CDC40: variants seen among roughly 807,000 people sequenced by gnomAD.
The protein encoded by CDC40 is pre-mRNA-processing factor 17.
A neutral mutation model predicts 80.6 loss-of-function variants in CDC40; 27 were observed. That is an observed-to-expected ratio of 0.33 (90% CI 0.25 to 0.46). CDC40 has a LOEUF of 0.46. Among genes scored for constraint, CDC40 ranks in the 20% least tolerant of loss-of-function variants. The pLI is 1.00. For synonymous variants in CDC40, 221 were observed against 232.6 expected (o/e 0.95, Z 0.45); for missense variants, 486 against 694.1 (o/e 0.70, Z 3.37).
chr6:110,229,839 T>G (rs1432739863), intron 14 of CDC40, 115 bp from the exon 15 acceptor site: 4 of 643,136 alleles, frequency 6.2e-6, no homozygotes, highest in Admixed American at 2.9e-5. Context: ...TATTGTATAT[T>G]TGCATTGGAT....
At chr6:110,204,956 G>A (rs934818589) in intron 3 of CDC40, among the ~76,000 whole-genome samples, 4 of 151,862 alleles carry the variant, frequency 2.6e-5, no homozygotes, top group South Asian at 2.1e-4. Context: ...CCTGAGCCAC[G>A]ATGCCCGGCC....
intron 1 of CDC40, among the ~76,000 whole-genome samples, chr6:110,182,740 T>C (rs1172269757): frequency 6.6e-6 from 1 of 152,254 alleles, no homozygotes; most frequent in Non-Finnish European, 1.5e-5. Flanking sequence ...TCATCAAATC[T>C]CTCTCTTCTG....
chr6:110,216,970 T>G (rs1016913590), intron 9 of CDC40, among the ~76,000 whole-genome samples: 1 of 152,056 alleles, frequency 6.6e-6, no homozygotes, highest in East Asian at 1.9e-4. Flanking sequence ...AGCCAGGCGT[T>G]GTGGTGTGCA....
At chr6:110,225,624 T>C (rs1260846873) in intron 12 of CDC40, among the ~76,000 whole-genome samples, 1 of 152,196 alleles carries the variant, frequency 6.6e-6, no homozygotes, top group Non-Finnish European at 1.5e-5. Context: ...TCCACCTGCA[T>C]TGCTGCAGGC....
chr6:110,182,530 C>T (rs1455104115), intron 1 of CDC40, among the ~76,000 whole-genome samples: 1 of 152,210 alleles, frequency 6.6e-6, no homozygotes, highest in Non-Finnish European at 1.5e-5. Flanking sequence ...TTTTCTCTTC[C>T]TTCTTCCTCA....
At chr6:110,204,287 C>T (rs1777533526) in intron 3 of CDC40, among the ~76,000 whole-genome samples, 1 of 152,188 alleles carries the variant, frequency 6.6e-6, no homozygotes, top group Non-Finnish European at 1.5e-5. Flanking sequence ...GCTGGGATTA[C>T]AGGCATGAGC....
At chr6:110,190,742 C>T (rs1777336122) in intron 1 of CDC40, among the ~76,000 whole-genome samples, 1 of 152,046 alleles carries the variant, frequency 6.6e-6, no homozygotes, top group Non-Finnish European at 1.5e-5. Flanking sequence ...AGGGGAGGGT[C>T]CTGGGAAGGG....
At chr6:110,203,451 CCTTT>C (rs983079634) in intron 3 of CDC40, among the ~76,000 whole-genome samples, 22 of 152,174 alleles carry the variant, frequency 1.4e-4, no homozygotes, top group African/African-American at 5.3e-4. Context: ...AGGAAGCAAA[CCTTT>C]CTTATACCTT....
intron 2 of CDC40, chr6:110,199,003 G>C (rs1047918100): frequency 1.3e-5 from 2 of 152,082 alleles, no homozygotes; most frequent in Non-Finnish European, 2.9e-5. Flanking sequence ...AGTAGCGTTC[G>C]CTGCCTTCCT....
chr6:110,200,794 T>C (rs1270666643), intron 2 of CDC40, among the ~76,000 whole-genome samples: 1 of 152,182 alleles, frequency 6.6e-6, no homozygotes, highest in East Asian at 1.9e-4. Context: ...AGGAGAATAC[T>C]TGTTTAACTT....
chr6:110,188,179 T>C (rs1229064376), intron 1 of CDC40, among the ~76,000 whole-genome samples: 1 of 152,218 alleles, frequency 6.6e-6, no homozygotes, highest in Non-Finnish European at 1.5e-5. Flanking sequence ...ATTTGGAATA[T>C]TTTAAATACC....
chr6:110,185,622 A>C (rs945238719), intron 1 of CDC40, among the ~76,000 whole-genome samples: 5 of 152,160 alleles, frequency 3.3e-5, no homozygotes, highest in African/African-American at 1.2e-4. Flanking sequence ...GCCACCCCTG[A>C]ACTGGAACAT....
In CDC40 at chr6:110,210,696, A is replaced by G; in HGVS notation, c.631-11A>G. On this transcript the variant is annotated splice_polypyrimidine_tract_variant and intron_variant, in intron 5 of 14. Coordinates refer to ENST00000307731, the MANE Select transcript of CDC40 (RefSeq NM_015891.3). ...ACATTCATTTTAAATTTCACTCCTTAATTTTCTTAGGAAGAGCAAAAAGAA... is the reference window on the plus strand; with the variant it reads ...ACATTCATTTTAAATTTCACTCCTTGATTTTCTTAGGAAGAGCAAAAAGAA... 1 of 1,490,282 alleles carries G rather than the reference A, an allele frequency of 6.7e-7. No individual in the cohort carries two copies. The highest frequency in any genetic ancestry group is 9.0e-7 in the Non-Finnish European group (1 of 1,113,038). The allele number at this position is 1,490,282 out of a possible 1,614,324, so 92.3% of individuals were successfully genotyped here. A position where few individuals can be genotyped will look rare whatever the true frequency, so the allele number is the denominator to read the frequency against.
chr6:110,228,758 A>T, intron 13 of CDC40, 74 bp from the exon 14 acceptor site: 2 of 1,145,134 alleles, frequency 1.7e-6, no homozygotes, highest in Non-Finnish European at 2.4e-6. Context: ...AATCACAGTG[A>T]ACATATTTAA....
intron 2 of CDC40, among the ~76,000 whole-genome samples, chr6:110,198,209 G>A (rs193302342): frequency 2.3e-4 from 33 of 143,438 alleles, no homozygotes; most frequent in African/African-American, 8.1e-4. Flanking sequence ...GAGGAGTCTC[G>A]CTCTGTCACC....
chr6:110,191,064 G>A (rs1777341972), intron 1 of CDC40, among the ~76,000 whole-genome samples: 1 of 152,172 alleles, frequency 6.6e-6, no homozygotes. Context: ...GAAGCTCAAG[G>A]GACCTGATAG....
intron 3 of CDC40, among the ~76,000 whole-genome samples, chr6:110,204,659 C>CTTTTTTTTTTT (rs55895216): frequency 8.4e-6 from 1 of 119,274 alleles, no homozygotes; most frequent in African/African-American, 3.3e-5. Context: ...TCCTATTTCT[C>CTTTTTTTTTTT]TTTTTTTTTT....
intron 1 of CDC40, among the ~76,000 whole-genome samples, chr6:110,184,813 G>T (rs1462520373): frequency 1.3e-5 from 2 of 152,134 alleles, no homozygotes; most frequent in Non-Finnish European, 2.9e-5. Context: ...AGAAGGTTCA[G>T]TTCACAAAGA....
At chr6:110,185,231 ATCTTTTTT>A (rs1309885827) in intron 1 of CDC40, among the ~76,000 whole-genome samples, 1 of 135,576 alleles carries the variant, frequency 7.4e-6, no homozygotes, top group Non-Finnish European at 1.6e-5. Context: ...CTTTTTCTTC[ATCTTTTTT>A]TCTTTTTTTT....
Sources: allele counts gnomAD v4.1 joint callset (sites outside exome capture counted in the v4.1 genomes callset), GRCh38; gene constraint gnomAD v4.1.1; transcripts MANE v1.5; gene names NCBI Gene and HGNC (gene_info 2026-07-23, HGNC 2026-07-21).